Variants in ZRANB1 observed in about 807,000 individuals in gnomAD.
ZRANB1 encodes the protein zinc finger RANBP2-type containing 1, also known as ubiquitin thioesterase ZRANB1.
A neutral mutation model predicts 80.5 loss-of-function variants in ZRANB1; 16 were observed. That is an observed-to-expected ratio of 0.20 (90% CI 0.13 to 0.30). The LOEUF (loss-of-function observed/expected upper bound fraction) is 0.30. Ranked by LOEUF, ZRANB1 falls within the 10% of genes least tolerant of loss-of-function variation. The probability of loss-of-function intolerance (pLI) is 1.00; values close to 1 mark genes in which losing one functional copy is unlikely to be tolerated. For synonymous variants in ZRANB1, 291 were observed against 293.1 expected (o/e 0.99, Z 0.07); for missense variants, 576 against 862.6 (o/e 0.67, Z 4.16).
chr10:124,947,771 T>G (rs572809279), intron 1 of ZRANB1, among the ~76,000 whole-genome samples: 1 of 152,322 alleles, frequency 6.6e-6, no homozygotes, highest in East Asian at 1.9e-4. Flanking sequence ...CCACTTCTAT[T>G]TCTGAGAAGA....
chr10:124,959,956 A>T (rs926687235), intron 1 of ZRANB1, among the ~76,000 whole-genome samples: 2 of 152,146 alleles, frequency 1.3e-5, no homozygotes, highest in African/African-American at 4.8e-5. Flanking sequence ...AAAAAGACTG[A>T]AGTAGAATTG....
chr10:124,980,697 T>G (rs1311545107), intron 5 of ZRANB1, among the ~76,000 whole-genome samples: 3 of 152,380 alleles, frequency 2.0e-5, no homozygotes, highest in South Asian at 2.1e-4. Flanking sequence ...TTTAATTTCT[T>G]TAGGAAATAT....
chr10:124,922,696 G>A, the ZRANB1 span, among the ~76,000 whole-genome samples: 2 of 151,128 alleles, frequency 1.3e-5, no homozygotes, highest in African/African-American at 4.9e-5. Context: ...GGGTGTCACC[G>A]TGTTGGCCCG....
chr10:124,961,498 G>A (rs1305619129), intron 1 of ZRANB1, among the ~76,000 whole-genome samples: 1 of 152,222 alleles, frequency 6.6e-6, no homozygotes, highest in Admixed American at 6.5e-5. Flanking sequence ...GCTTTCAGCA[G>A]CAATTCTTCC....
At chr10:124,984,473 T>C in intron 8 of ZRANB1, 1 of 312,756 alleles carries the variant, frequency 3.2e-6, no homozygotes, top group East Asian at 5.8e-5. Context: ...TGTTTGAAGC[T>C]GTGGCTTGCC....
Position 124,981,697 on chromosome 10 carries a change from C to T in ZRANB1, c.1428-12C>T, listed in dbSNP as rs982690719. On this transcript the variant is annotated splice_polypyrimidine_tract_variant and intron_variant, in intron 5 of 8. Coordinates refer to ENST00000359653, the MANE Select transcript of ZRANB1 (RefSeq NM_017580.3). The stretch of plus-strand genomic sequence containing the variant: ...ACTATTTATTTATTTTTTTACTATC[C>T]TGCTTTTTTAGGTTTTACACACGCT... 1.9e-6 allele frequency: 3 copies of T among 1,586,098 alleles called. No homozygotes were observed. Among genetic ancestry groups the T allele is most frequent in the African/African-American group, 1.4e-5 (1 of 72,758 alleles).
At chr10:124,958,889 A>C (rs1014838079) in intron 1 of ZRANB1, among the ~76,000 whole-genome samples, 2 of 152,202 alleles carry the variant, frequency 1.3e-5, no homozygotes, top group African/African-American at 4.8e-5. Flanking sequence ...ACACATCTCC[A>C]GTCCCAGTCT....
chr10:124,950,903 G>A (rs756377261), intron 1 of ZRANB1, among the ~76,000 whole-genome samples: 3 of 152,170 alleles, frequency 2.0e-5, no homozygotes, highest in Admixed American at 6.5e-5. Flanking sequence ...GAACACTTGC[G>A]CCCAGGCTGC....
At position 124,967,256 on chromosome 10, in the gene ZRANB1, T is replaced by C. The variant is rs1030103862; in HGVS notation, c.1002+475T>C. ...TTGAGGTGTCTTGTCGTCTTTCTTA[T>C]AGCAGGTAATGTTTTTGCTGCAATT... is the stretch of plus-strand genomic sequence containing the variant. On this transcript the variant is annotated intron_variant, in intron 2 of 8. Coordinates refer to ENST00000359653, the MANE Select transcript of ZRANB1 (RefSeq NM_017580.3). Among the ~76,000 whole-genome samples the C allele has an allele frequency of 2.6e-5, 4 of 152,352 alleles. No individual in the cohort carries two copies. In the Middle Eastern group the frequency reaches 0.01, roughly 389 times the overall value.
chr10:124,917,832 C>T, the ZRANB1 span, among the ~76,000 whole-genome samples: 1 of 152,194 alleles, frequency 6.6e-6, no homozygotes, highest in Non-Finnish European at 1.5e-5. Flanking sequence ...TCTACCCCTC[C>T]TGCTCGCAGT....
intron 1 of ZRANB1, among the ~76,000 whole-genome samples, chr10:124,951,516 C>T (rs571263281): frequency 3.5e-4 from 54 of 152,250 alleles, no homozygotes; most frequent in African/African-American, 1.2e-3. Context: ...TGAGAGAAAA[C>T]TCAGGGCATA....
rs1329662995 is a variant in ZRANB1 at position 124,966,724 on chromosome 10, T to C, written c.945T>C (p.Leu315=). ...RPSAFDVGYT[L]VHLAIRFQRQ... is the part of the protein sequence containing the mutation. ...CTGCCTTTGATGTTGGCTATACTCT[T>C]GTACACTTGGCTATACGTTTTCAGA... The change falls in exon 2 of 9, where the codon CTT becomes CTC. Residue 315 remains leucine (L), a synonymous_variant. Transcript: ENST00000359653. 6.2e-7 allele frequency: 1 copy of C among 1,614,192 alleles called. No homozygotes were observed.
the ZRANB1 span, among the ~76,000 whole-genome samples, chr10:124,929,928 G>C: frequency 1.5e-5 from 2 of 133,710 alleles, no homozygotes; most frequent in African/African-American, 2.8e-5. Flanking sequence ...CTGGGCAACA[G>C]AGCGAGACTC....
chr10:124,984,462 G>T, intron 8 of ZRANB1: 1 of 281,854 alleles, frequency 3.5e-6, no homozygotes, highest in African/African-American at 2.2e-5. Context: ...ACCTTGTCAT[G>T]TGTTTGAAGC....
chr10:124,982,043 C>T (rs1013188623), intron 6 of ZRANB1, among the ~76,000 whole-genome samples: 5 of 149,556 alleles, frequency 3.3e-5, no homozygotes, highest in African/African-American at 1.0e-4. Context: ...AGATTAGCAT[C>T]GCAAGTCCTC....
chr10:124,984,847 T>C lies in ZRANB1; in HGVS notation c.1982T>C (p.Leu661Pro). The C allele has an allele frequency of 6.2e-7, 1 of 1,613,988 alleles. No homozygotes were observed. The highest frequency in any genetic ancestry group is 8.5e-7 in the Non-Finnish European group (1 of 1,179,984). ...TGCTGTGTGACGGAGGGGGGAGTTC[T>C]GGTTGCCATGCAGAAGAGTTCTCGG... ...LDCCVTEGGVLVAMQKSSRRR... is the reference protein window; with the variant it reads ...LDCCVTEGGVPVAMQKSSRRR... The change falls in exon 9 of 9, where the codon CTG (leucine) becomes CCG (proline). Residue 661 changes from leucine to proline, a missense_variant. Coordinates refer to ENST00000359653, the MANE Select transcript of ZRANB1 (RefSeq NM_017580.3).
At chr10:124,953,029 A>G (rs929408242) in intron 1 of ZRANB1, among the ~76,000 whole-genome samples, 24 of 151,546 alleles carry the variant, frequency 1.6e-4, no homozygotes, top group African/African-American at 5.3e-4. Context: ...GGTTCAAGTA[A>G]TTCTCCTGCC....
chr10:124,937,931 C>T (rs1341738909), upstream of ZRANB1, among the ~76,000 whole-genome samples: 1 of 152,082 alleles, frequency 6.6e-6, no homozygotes, highest in African/African-American at 2.4e-5. Context: ...CAGTTTTGTC[C>T]CGTTCTCCTT....
Position 124,966,656 on chromosome 10 carries a change from C to T in ZRANB1, c.877C>T (p.Arg293Cys), listed in dbSNP as rs1204891069. The T allele has an allele frequency of 6.2e-7, 1 of 1,614,006 alleles. No homozygotes were observed. The highest frequency in any genetic ancestry group is 8.5e-7 in the Non-Finnish European group (1 of 1,180,014). The change falls in exon 2 of 9, where the codon CGT becomes TGT. Residue 293 changes from arginine to cysteine, a missense_variant. Physicochemically the swap from Arg to Cys is radical, Grantham distance 180. Coordinates refer to ENST00000359653, the MANE Select transcript of ZRANB1 (RefSeq NM_017580.3). Reference protein sequence around the residue: ...AYKSSGGDIARQLTADEVRLL... With the variant: ...AYKSSGGDIACQLTADEVRLL... ...CAAGTCATCAGGAGGAGACATTGCA[C>T]GTCAGCTCACCGCAGATGAAGTACG...
Sources: gnomAD v4.1 joint callset for allele counts (sites outside exome capture counted in the v4.1 genomes callset) on GRCh38, gnomAD v4.1.1 for gene constraint, MANE v1.5 for transcripts, NCBI Gene and HGNC (gene_info 2026-07-23, HGNC 2026-07-21) for gene names.